Variants in PARP1 observed in about 807,000 individuals in gnomAD.
The protein encoded by PARP1 is poly(ADP-ribose) polymerase 1.
Under a neutral mutation model 118.7 loss-of-function variants are expected in PARP1, and 44 were observed. The observed-to-expected ratio is 0.37, with a 90% confidence interval of 0.29 to 0.48. PARP1 has a LOEUF of 0.48. PARP1 is among the 20% of genes least tolerant of loss of function. The pLI is 0.99. For synonymous variants in PARP1, 492 were observed against 483.2 expected, an observed-to-expected ratio of 1.02 and a Z score of -0.24; for missense variants, 1,100 against 1,272.4, an observed-to-expected ratio of 0.86 and a Z score of 2.06.
chr1:226,362,185 T>C lies in PARP1; in HGVS notation c.2849-102A>G. On this transcript the variant is annotated intron_variant, in intron 21 of 22. Coordinates refer to ENST00000366794, the MANE Select transcript of PARP1 (RefSeq NM_001618.4). ...TGATGTTGGGTCCATGTGGTCTTTC[T>C]TTTTTTTTTTTTTCCTTTTTGAGAT... 3.8e-5 allele frequency: 7 copies of C among 183,682 alleles called. No homozygotes were observed. In the East Asian group the frequency reaches 8.7e-4, roughly 23 times the overall value. The allele number at this position is 183,682 out of a possible 1,614,324, so 11.4% of individuals were successfully genotyped here.
chr1:226,384,019 A>C (rs1664671352), intron 7 of PARP1, among the ~76,000 whole-genome samples: 1 of 152,238 alleles, frequency 6.6e-6, no homozygotes, highest in Admixed American at 6.5e-5. Flanking sequence ...AGCATCAGCT[A>C]TAGGAAGGTG....
At chr1:226,407,580 C>T (rs1665176544) in intron 1 of PARP1, among the ~76,000 whole-genome samples, 1 of 152,138 alleles carries the variant, frequency 6.6e-6, no homozygotes, top group Non-Finnish European at 1.5e-5. Context: ...AAAGGCAACA[C>T]CAGCTGCAGA....
In PARP1 at chr1:226,381,176, G is replaced by C. The variant is rs2102736343; in HGVS notation, c.1192C>G (p.Leu398Val). Residue 398 changes from leucine (L) to valine (V), a missense_variant, in exon 9 of 23, where the codon CTC (leucine) becomes GTC (valine). Physicochemically the swap from Leu to Val is conservative, Grantham distance 32. This residue lies in a region of PARP1 where 948 missense variants were observed against 1,031.8 expected (regional missense o/e 0.92). Coordinates refer to ENST00000366794, the MANE Select transcript of PARP1 (RefSeq NM_001618.4). ...TCCTTGTTCCGGGACAGCTTCCCGA[G>C]AGTCAGGATCTTCATGTTGGATAAT... ...KPLSNMKILT[L>V]GKLSRNKDEV... 1 of 1,614,164 alleles carries C rather than the reference G, an allele frequency of 6.2e-7. No homozygotes were observed. Among genetic ancestry groups the C allele is most frequent in the Non-Finnish European group, 8.5e-7 (1 of 1,180,006 alleles).
rs746623627 is a variant in PARP1 at position 226,380,126 on chromosome 1, T to C, written c.1339A>G (p.Lys447Glu). ...EKMNKKMEEV[K>E]EANIRVVSED... ...GACACAACTCGGATGTTGGCTTCCT[T>C]TACTTCCTCCATCTTCTTATTCATC... is the stretch of plus-strand genomic sequence containing the variant. The change falls in exon 10 of 23, where the codon AAG becomes GAG. Residue 447 changes from lysine to glutamate, a missense_variant. Physicochemically the swap from Lys to Glu is moderately conservative, Grantham distance 56. Around this residue, in one of 2 missense-constraint regions of PARP1, gnomAD observed 948 missense variants for 1,031.8 expected, o/e 0.92. Transcript: ENST00000366794. The C allele has an allele frequency of 1.2e-6, 2 of 1,614,018 alleles. No individual in the cohort carries two copies. Among genetic ancestry groups the C allele is most frequent in the East Asian group, 4.5e-5 (2 of 44,902 alleles).
At chr1:226,366,456 T>C (rs768800998) in intron 17 of PARP1, 3 of 260,758 alleles carry the variant, frequency 1.2e-5, no homozygotes, top group Non-Finnish European at 2.3e-5. Context: ...TGATGTGCAA[T>C]GAAAATTATC....
chr1:226,392,582 C>T, intron 2 of PARP1: 1 of 551,434 alleles, frequency 1.8e-6, no homozygotes. Flanking sequence ...CATTCCATCT[C>T]CTCCCCTTTC....
chr1:226,386,203 T>A (rs1159971167), intron 6 of PARP1, 123 bp downstream of exon 6: 1 of 731,794 alleles, frequency 1.4e-6, no homozygotes, highest in Non-Finnish European at 2.5e-6. Flanking sequence ...CGATTTATAC[T>A]CCTTGCAATT....
intron 1 of PARP1, among the ~76,000 whole-genome samples, chr1:226,407,143 A>T (rs1246482668): frequency 2.0e-5 from 3 of 151,546 alleles, no homozygotes; most frequent in African/African-American, 7.3e-5. Flanking sequence ...CACATGAGAA[A>T]CCCCCCTGGA....
At chr1:226,370,911 G>A in intron 14 of PARP1, 1 of 274,736 alleles carries the variant, frequency 3.6e-6, no homozygotes, top group South Asian at 4.3e-5. Context: ...AGCCAAGGCA[G>A]TTAGTTAAGT....
intron 1 of PARP1, among the ~76,000 whole-genome samples, chr1:226,406,300 C>T (rs533331521): frequency 1.3e-5 from 2 of 152,248 alleles, no homozygotes; most frequent in Non-Finnish European, 2.9e-5. Flanking sequence ...AACTCATGGA[C>T]CTCTTGCCTT....
chr1:226,364,228 G>A, intron 19 of PARP1, 158 bp from the exon 20 acceptor site: 1 of 711,762 alleles, frequency 1.4e-6, no homozygotes, highest in Non-Finnish European at 2.5e-6. Flanking sequence ...CAAAGTTTTA[G>A]CTCACAAGCC....
chr1:226,394,108 C>T (rs962089968), intron 2 of PARP1, among the ~76,000 whole-genome samples: 22 of 152,198 alleles, frequency 1.4e-4, no homozygotes, highest in Admixed American at 1.4e-3. Flanking sequence ...CAGCACTCTG[C>T]GAGGATGAGG....
intron 12 of PARP1, 82 bp downstream of exon 12, chr1:226,379,060 T>G: frequency 1.3e-6 from 2 of 1,569,194 alleles, no homozygotes; most frequent in Non-Finnish European, 1.8e-6. Context: ...CTAACGGGTT[T>G]CACAAGGCTG....
chr1:226,394,500 CTT>C (rs1172163233), intron 2 of PARP1, among the ~76,000 whole-genome samples: 1 of 152,232 alleles, frequency 6.6e-6, no homozygotes, highest in Non-Finnish European at 1.5e-5. Flanking sequence ...TTGTTCATCT[CTT>C]TGAACAGTAA....
At chr1:226,380,893 A>G (rs1410429412) in intron 9 of PARP1, among the ~76,000 whole-genome samples, 175 bp downstream of exon 9, 1 of 152,214 alleles carries the variant, frequency 6.6e-6, no homozygotes, top group Non-Finnish European at 1.5e-5. Context: ...AATCTACAGT[A>G]CAAAGCAGCA....
rs1489770977 is a variant in PARP1 at position 226,402,390 on chromosome 1, G to A, written c.121-11C>T. The A allele has an allele frequency of 1.2e-6, 2 of 1,610,976 alleles. No homozygotes were observed. The highest frequency in any genetic ancestry group is 1.1e-5 in the South Asian group (1 of 90,936). ...ATCAAACATGGGCGACTAGAAGGAAGAGAAACAGAGGGAAGTAAGTAAGCA... is the reference window on the plus strand; with the variant it reads ...ATCAAACATGGGCGACTAGAAGGAAAAGAAACAGAGGGAAGTAAGTAAGCA... On this transcript the variant is annotated splice_polypyrimidine_tract_variant and intron_variant, in intron 1 of 22. Coordinates refer to ENST00000366794, the MANE Select transcript of PARP1 (RefSeq NM_001618.4).
rs1253382470 is a variant in PARP1 at position 226,370,528 on chromosome 1, AG to A, written c.2071-12del. 10 of 1,610,428 alleles carry A rather than the reference AG, an allele frequency of 6.2e-6. No homozygotes were observed. Among genetic ancestry groups the A allele is most frequent in the Non-Finnish European group, 8.5e-6 (10 of 1,176,766 alleles). The stretch of plus-strand genomic sequence containing the variant: ...CTTCTGAAGGTCGATCTGAGGAGAC[AG>A]GGGATTTCGCTCTGAAAGCTGGGCA... On this transcript the variant is annotated splice_polypyrimidine_tract_variant and intron_variant, in intron 14 of 22. Transcript: ENST00000366794.
chr1:226,365,018 G>A lies in PARP1; in HGVS notation c.2642C>T (p.Pro881Leu), dbSNP rs2102726814. The A allele has an allele frequency of 4.3e-6, 7 of 1,614,038 alleles. No homozygotes were observed. The highest frequency in any genetic ancestry group is 1.1e-5 in the South Asian group (1 of 91,080). The change falls in exon 19 of 23, where the codon CCG becomes CTG. Residue 881 changes from proline (P) to leucine (L), a missense_variant. Around this residue, in one of 2 missense-constraint regions of PARP1, gnomAD observed 152 missense variants for 240.6 expected, o/e 0.63. Transcript: ENST00000366794. ...GILSQGLRIA[P>L]PEAPVTGYMF... ...GGCACATACCACGGGCGCTTCAGGC[G>A]GGGCTATCCGAAGACCCTGGGACAG...
chr1:226,379,386 A>G, intron 11 of PARP1, 112 bp from the exon 12 acceptor site: 2 of 1,403,750 alleles, frequency 1.4e-6, no homozygotes, highest in Non-Finnish European at 2.0e-6. Context: ...CACTACCACC[A>G]CCCTCGGGAG....
Sources: gnomAD v4.1 joint callset for allele counts (sites outside exome capture counted in the v4.1 genomes callset) on GRCh38, gnomAD v4.1.1 for gene constraint, gnomAD v4.1.1 regional missense constraint, MANE v1.5 for transcripts, NCBI Gene and HGNC (gene_info 2026-07-23, HGNC 2026-07-21) for gene names.